The following SLC36A1 variants were observed in gnomAD, a reference collection of about 807,000 sequenced individuals.
The protein encoded by SLC36A1 is proton-coupled amino acid transporter 1.
A neutral mutation model predicts 47.5 loss-of-function variants in SLC36A1; 30 were observed. The observed-to-expected ratio is 0.63, with a 90% CI of 0.47 to 0.86. SLC36A1 has a LOEUF of 0.86. Ranked by LOEUF, SLC36A1 falls within the 40% of genes least tolerant of loss-of-function variation. The pLI, the probability that SLC36A1 is intolerant of heterozygous loss-of-function variation, is 0.00. For synonymous variants in SLC36A1, 255 were observed against 249.7 expected, an observed-to-expected ratio of 1.02 and a Z score of -0.20; for missense variants, 517 against 606.0, an observed-to-expected ratio of 0.85 and a Z score of 1.54.
the SLC36A1 span, among the ~76,000 whole-genome samples, chr5:151,508,620 G>C: frequency 6.6e-6 from 1 of 151,820 alleles, no homozygotes; most frequent in Non-Finnish European, 1.5e-5. Flanking sequence ...TGAGGCAGGG[G>C]AATGGCTTGA....
the SLC36A1 span, chr5:151,545,143 T>C: frequency 6.2e-7 from 1 of 1,614,212 alleles, no homozygotes; most frequent in Non-Finnish European, 8.5e-7. Context: ...ATTCAAATGA[T>C]TGCCCTGGGC....
intron 1 of SLC36A1, among the ~76,000 whole-genome samples, chr5:151,456,158 G>A (rs1406737935): frequency 2.6e-5 from 4 of 152,154 alleles, no homozygotes; most frequent in Non-Finnish European, 5.9e-5. Context: ...TGTTGGAAGG[G>A]ACTAGAAATT....
intron 5 of SLC36A1, 24 bp downstream of exon 5, chr5:151,465,193 C>T: frequency 1.9e-6 from 3 of 1,582,514 alleles, no homozygotes; most frequent in Non-Finnish European, 2.6e-6. Flanking sequence ...TCCTTCCTTT[C>T]AACTGTGGCC....
the SLC36A1 span, among the ~76,000 whole-genome samples, chr5:151,396,427 A>G: frequency 2.0e-5 from 3 of 152,124 alleles, no homozygotes; most frequent in Admixed American, 2.0e-4. Context: ...AATGATGGGT[A>G]TAAACTACTC....
upstream of SLC36A1, among the ~76,000 whole-genome samples, chr5:151,443,814 C>A (rs1402610035): frequency 6.6e-6 from 1 of 152,140 alleles, no homozygotes; most frequent in Non-Finnish European, 1.5e-5. Context: ...TACATTTAGG[C>A]CTTTTATCCA....
At chr5:151,425,969 T>A in the SLC36A1 span, among the ~76,000 whole-genome samples, 1 of 103,364 alleles carries the variant, frequency 9.7e-6, no homozygotes, top group Admixed American at 1.0e-4. Flanking sequence ...TCTCCCTCTA[T>A]CTATCTATCT....
chr5:151,415,065 C>T, the SLC36A1 span, among the ~76,000 whole-genome samples: 3 of 152,136 alleles, frequency 2.0e-5, no homozygotes, highest in South Asian at 6.2e-4. Flanking sequence ...CATCCACCAC[C>T]CAACCTCATC....
In SLC36A1 at chr5:151,489,687, GATACA is replaced by G. The variant is rs1759949296; in HGVS notation, c.*1434_*1438del. 1 of 152,354 alleles carries G rather than the reference GATACA, an allele frequency of 6.6e-6. No homozygotes were observed. The highest frequency in any genetic ancestry group is 1.5e-5 in the Non-Finnish European group (1 of 68,040). 9.4% of individuals were successfully genotyped at this position (152,354 alleles called of 1,614,324 possible). Reference sequence around the variant, plus strand: ...GCAAACTTCAGAGAAGGCAGAGGAAGATACATTGCCTTGCTGTGGGCTGCCTCTTC... The same window carrying G: ...GCAAACTTCAGAGAAGGCAGAGGAAGTTGCCTTGCTGTGGGCTGCCTCTTC... On this transcript the variant is annotated 3_prime_UTR_variant, in exon 11 of 11. Coordinates refer to ENST00000243389, the MANE Select transcript of SLC36A1 (RefSeq NM_078483.4). This position sits in a 1 kb window ranked among gnomAD's most constrained non-coding sequence, Gnocchi z 4.5.
chr5:151,433,256 ATATATATATATTT>A (rs1561705085), upstream of SLC36A1, among the ~76,000 whole-genome samples: 2 of 15,704 alleles, frequency 1.3e-4, no homozygotes, highest in African/African-American at 5.4e-4. Context: ...ATATATATAT[ATATATATATATTT>A]TTTTTTTTTT....
At chr5:151,464,230 C>CT (rs1233406303) in intron 3 of SLC36A1, among the ~76,000 whole-genome samples, 2 of 152,174 alleles carry the variant, frequency 1.3e-5, no homozygotes, top group East Asian at 3.8e-4. Context: ...GTCACAGGAG[C>CT]CTTCTATTCT....
chr5:151,537,219 A>AGG, the SLC36A1 span, among the ~76,000 whole-genome samples: 1 of 132,994 alleles, frequency 7.5e-6, no homozygotes, highest in South Asian at 2.8e-4. Flanking sequence ...GAGGAAGAAG[A>AGG]AGAGGAGGAG....
chr5:151,378,559 TC>T, the SLC36A1 span: 1 of 216,842 alleles, frequency 4.6e-6, no homozygotes. Context: ...TTCCATTTAA[TC>T]CCTGTCGAGT....
the SLC36A1 span, among the ~76,000 whole-genome samples, chr5:151,407,478 G>A: frequency 1.3e-5 from 2 of 150,746 alleles, no homozygotes; most frequent in African/African-American, 5.0e-5. Flanking sequence ...TGATTAGCTA[G>A]ACACAGAGCA....
At chr5:151,553,044 A>G in the SLC36A1 span, 8 of 795,730 alleles carry the variant, frequency 1.0e-5, no homozygotes, top group African/African-American at 1.4e-4. Context: ...GGCAGTCCCC[A>G]CTCCGGGCTG....
chr5:151,542,637 G>C, the SLC36A1 span: 1 of 1,614,180 alleles, frequency 6.2e-7, no homozygotes, highest in African/African-American at 1.3e-5. Flanking sequence ...AGCTCACCTG[G>C]CCATCTCTCC....
the SLC36A1 span, chr5:151,507,693 G>T: frequency 7.7e-7 from 1 of 1,295,154 alleles, no homozygotes; most frequent in Non-Finnish European, 1.0e-6. Context: ...ATGGGATAGA[G>T]ACTGCTCCCC....
At chr5:151,521,414 A>C in the SLC36A1 span, 1 of 1,614,208 alleles carries the variant, frequency 6.2e-7, no homozygotes, top group Non-Finnish European at 8.5e-7. Context: ...GGCCCCTGGC[A>C]GGGCACCATG....
chr5:151,543,205 C>A, the SLC36A1 span: 4 of 1,614,088 alleles, frequency 2.5e-6, no homozygotes, highest in Admixed American at 6.7e-5. Context: ...CTTGACCACA[C>A]CAGTGACTGG....
upstream of SLC36A1, among the ~76,000 whole-genome samples, chr5:151,445,030 C>T (rs117816529): frequency 6.6e-6 from 1 of 152,128 alleles, no homozygotes; most frequent in East Asian, 1.9e-4. Context: ...GCTACTGGAT[C>T]TTGGTGGAAA....
Sources: gnomAD v4.1 joint callset for allele counts (sites outside exome capture counted in the v4.1 genomes callset) on GRCh38, gnomAD v4.1.1 for gene constraint, Gnocchi (gnomAD v3.1) non-coding constraint, MANE v1.5 for transcripts, NCBI Gene and HGNC (gene_info 2026-07-23, HGNC 2026-07-21) for gene names.